Variants in NRXN1 observed in about 807,000 individuals in gnomAD.
The protein encoded by NRXN1 is neurexin-1.
In NRXN1, 39 loss-of-function variants were observed where a neutral mutation model predicts 150.9. That is an observed-to-expected ratio of 0.26 (90% confidence interval 0.20 to 0.34). The LOEUF is 0.34. NRXN1 is among the 10% of genes least tolerant of loss of function. The probability of loss-of-function intolerance (pLI) is 1.00; values close to 1 mark genes in which losing one functional copy is unlikely to be tolerated. For synonymous variants in NRXN1, 924 were observed against 757.0 expected, an observed-to-expected ratio of 1.22 and a Z score of -3.62; for missense variants, 1,815 against 1,949.9, an observed-to-expected ratio of 0.93 and a Z score of 1.30.
At chr2:50,792,813 T>C (rs1233086697) in intron 5 of NRXN1, among the ~76,000 whole-genome samples, 3 of 152,000 alleles carry the variant, frequency 2.0e-5, no homozygotes, top group Non-Finnish European at 2.9e-5. Context: ...TGAACAACTC[T>C]AAAAAATAAA....
intron 2 of NRXN1, among the ~76,000 whole-genome samples, chr2:50,949,654 G>A (rs973669596): frequency 6.6e-6 from 1 of 151,922 alleles, no homozygotes; most frequent in Non-Finnish European, 1.5e-5. Context: ...TTCCTACTCA[G>A]GCCTTCATTC....
rs796999428 is a variant in NRXN1, at chr2:50,427,006, C to A, written c.3364+38436G>T. 6.6e-5 allele frequency among the ~76,000 whole-genome samples: 10 copies of A among 152,192 alleles called. 1 individual carries two copies. The highest frequency in any genetic ancestry group is 2.4e-4 in the African/African-American group (10 of 41,532). ...AAATTTGAAGACAATATATTTACTG[C>A]CAAATTTGCTATGTCTTAGTGCTGC... On this transcript the variant is annotated intron_variant, in intron 17 of 22. Transcript: ENST00000401669.
rs140934774 is a variant in NRXN1 at position 50,967,896 on chromosome 2, T to C, written c.773-41941A>G. On this transcript the variant is annotated intron_variant, in intron 2 of 22. Coordinates refer to ENST00000401669, the MANE Select transcript of NRXN1 (RefSeq NM_001330078.2). ...GGCTAAAATTATGAATGAAAATATG[T>C]AAAAATAAACTTAGCATGGCAATTT... is the stretch of plus-strand genomic sequence containing the variant. Among the ~76,000 whole-genome samples the C allele has an allele frequency of 3.8e-3, 580 of 152,116 alleles. 4 individuals are homozygous for C. The highest frequency in any genetic ancestry group is 0.01 in the Middle Eastern group (3 of 294).
intron 19 of NRXN1, among the ~76,000 whole-genome samples, chr2:50,060,327 A>G (rs1424675294): frequency 1.3e-5 from 2 of 151,984 alleles, no homozygotes; most frequent in Non-Finnish European, 2.9e-5. Flanking sequence ...GTTTTGGCCA[A>G]TTTCTCCCAT....
At chr2:50,157,161 G>C (rs1484200658) in intron 18 of NRXN1, among the ~76,000 whole-genome samples, 1 of 151,944 alleles carries the variant, frequency 6.6e-6, no homozygotes, top group African/African-American at 2.4e-5. Context: ...AATGGATATT[G>C]TGGTGAATAA....
chr2:50,237,367 G>A (rs1471115928), intron 17 of NRXN1, among the ~76,000 whole-genome samples: 8 of 152,014 alleles, frequency 5.3e-5, no homozygotes, highest in African/African-American at 1.9e-4. Context: ...ATTGAAATAG[G>A]AGCTGCATGC....
intron 18 of NRXN1, among the ~76,000 whole-genome samples, chr2:50,179,934 A>G (rs1330698064): frequency 6.6e-6 from 1 of 152,146 alleles, no homozygotes; most frequent in African/African-American, 2.4e-5. Flanking sequence ...ATTTTGATTA[A>G]GCACTGTGTC....
chr2:50,447,992 A>T (rs571526974), intron 17 of NRXN1, among the ~76,000 whole-genome samples: 1 of 151,882 alleles, frequency 6.6e-6, no homozygotes, highest in South Asian at 2.1e-4. Flanking sequence ...ATTTATTGTG[A>T]CAACTGGGGT....
intron 12 of NRXN1, among the ~76,000 whole-genome samples, chr2:50,515,151 C>A (rs76693134): frequency 6.6e-6 from 1 of 152,222 alleles, no homozygotes; most frequent in South Asian, 2.1e-4. Flanking sequence ...CAGTGACAAC[C>A]GATTCTCACA....
rs994006557 is a variant in NRXN1, at chr2:51,028,293, CG to C, written c.-21del. The C allele has an allele frequency of 1.6e-5, 23 of 1,417,656 alleles. No homozygotes were observed. The highest frequency in any genetic ancestry group is 2.0e-5 in the Non-Finnish European group (22 of 1,089,074). The allele number at this position is 1,417,656 out of a possible 1,614,324, so 87.8% of individuals were successfully genotyped here. Reference sequence around the variant, plus strand: ...CCCCATGCTCGGGGCTGGGGTGCGGCGGGGGGGTGCCGGGGCCGACAGGGTC... The same window carrying C: ...CCCCATGCTCGGGGCTGGGGTGCGGCGGGGGGTGCCGGGGCCGACAGGGTC... On this transcript the variant is annotated 5_prime_UTR_variant, in exon 2 of 23. Transcript: ENST00000401669.
intron 22 of NRXN1, among the ~76,000 whole-genome samples, chr2:49,925,650 T>A (rs1218817331): frequency 6.6e-6 from 1 of 152,142 alleles, no homozygotes; most frequent in East Asian, 1.9e-4. Context: ...CTACACTATA[T>A]AATAAACTAA....
intron 22 of NRXN1, among the ~76,000 whole-genome samples, chr2:49,922,756 A>G (rs1447860269): frequency 6.6e-6 from 1 of 152,222 alleles, no homozygotes; most frequent in African/African-American, 2.4e-5. Context: ...GAACAATAAG[A>G]TAATCCATAC....
At chr2:49,974,194 A>G in intron 21 of NRXN1, 1 of 705,034 alleles carries the variant, frequency 1.4e-6, no homozygotes, top group Non-Finnish European at 2.6e-6. Context: ...GCGAGAAAAG[A>G]CACAGAAAAC....
At chr2:50,159,061 G>A (rs1220506027) in intron 18 of NRXN1, among the ~76,000 whole-genome samples, 3 of 151,598 alleles carry the variant, frequency 2.0e-5, no homozygotes, top group Admixed American at 6.6e-5. Context: ...CTGCTTCCAG[G>A]AATGAAAGTC....
intron 18 of NRXN1, among the ~76,000 whole-genome samples, chr2:50,108,716 A>G (rs915954027): frequency 6.6e-6 from 1 of 152,156 alleles, no homozygotes; most frequent in African/African-American, 2.4e-5. Context: ...TTCTACCTCA[A>G]ACCAACTGCC....
chr2:50,745,374 T>G (rs966857791), intron 5 of NRXN1, among the ~76,000 whole-genome samples: 154 of 103,982 alleles, frequency 1.5e-3, no homozygotes, highest in Non-Finnish European at 2.3e-3. Flanking sequence ...GTGCCTCCCC[T>G]CCCCTCCCTT....
chr2:49,989,948 G>A (rs1011057114), intron 21 of NRXN1, among the ~76,000 whole-genome samples: 1 of 152,040 alleles, frequency 6.6e-6, no homozygotes, highest in African/African-American at 2.4e-5. Flanking sequence ...ACTCTATGAA[G>A]TTATTTCTCT....
chr2:50,536,573 A>G (rs1159021424), intron 10 of NRXN1, among the ~76,000 whole-genome samples: 2 of 152,330 alleles, frequency 1.3e-5, no homozygotes, highest in Non-Finnish European at 2.9e-5. Flanking sequence ...TCCGTAATTC[A>G]TGTGACAGTT....
intron 5 of NRXN1, among the ~76,000 whole-genome samples, chr2:50,700,982 A>C (rs1056360013): frequency 6.6e-6 from 1 of 152,064 alleles, no homozygotes; most frequent in East Asian, 1.9e-4. Context: ...CAAGATTTTT[A>C]AAATCTCTTA....
Sources: allele counts gnomAD v4.1 joint callset (sites outside exome capture counted in the v4.1 genomes callset), GRCh38; gene constraint gnomAD v4.1.1; transcripts MANE v1.5; gene names NCBI Gene and HGNC (gene_info 2026-07-23, HGNC 2026-07-21).